Variants in PTPRT observed in about 807,000 individuals in gnomAD.
PTPRT encodes receptor-type tyrosine-protein phosphatase T.
A neutral mutation model predicts 176.8 loss-of-function variants in PTPRT; 56 were observed. That is an observed-to-expected ratio of 0.32 (90% CI 0.26 to 0.40). The LOEUF (loss-of-function observed/expected upper bound fraction) is 0.40. Ranked by LOEUF, PTPRT falls within the 10% of genes least tolerant of loss-of-function variation. The probability of loss-of-function intolerance (pLI) is 1.00; values close to 1 mark genes in which losing one functional copy is unlikely to be tolerated. For missense variants in PTPRT, 1,540 were observed against 1,908.2 expected, an observed-to-expected ratio of 0.81 and a Z score of 3.60; for synonymous variants, 783 against 739.0, an observed-to-expected ratio of 1.06 and a Z score of -0.96.
intron 1 of PTPRT, among the ~76,000 whole-genome samples, chr20:43,023,162 C>T (rs1263586865): frequency 6.6e-6 from 1 of 152,164 alleles, no homozygotes; most frequent in African/African-American, 2.4e-5. Flanking sequence ...TGTGTAACAT[C>T]GAGTCTGCAG....
At chr20:42,244,913 G>C (rs2056422247) in intron 14 of PTPRT, among the ~76,000 whole-genome samples, 1 of 152,174 alleles carries the variant, frequency 6.6e-6, no homozygotes, top group African/African-American at 2.4e-5. Flanking sequence ...CATAGAGTTG[G>C]TCATGCAACC....
intron 2 of PTPRT, among the ~76,000 whole-genome samples, chr20:42,816,813 T>C (rs1460855213): frequency 6.6e-6 from 1 of 152,166 alleles, no homozygotes; most frequent in Non-Finnish European, 1.5e-5. Context: ...CTCAGGGAAG[T>C]TCTTTACAGC....
At chr20:42,194,552 A>T (rs1185878248) in intron 16 of PTPRT, among the ~76,000 whole-genome samples, 1 of 152,238 alleles carries the variant, frequency 6.6e-6, no homozygotes, top group Non-Finnish European at 1.5e-5. Context: ...ATGAACAAGA[A>T]GATGACATGT....
chr20:42,659,743 A>G (rs6030400), intron 7 of PTPRT, among the ~76,000 whole-genome samples: 53 of 152,312 alleles, frequency 3.5e-4, no homozygotes, highest in African/African-American at 1.3e-3. Flanking sequence ...TTTAGTTCAT[A>G]TACAGTCCTA....
intron 9 of PTPRT, among the ~76,000 whole-genome samples, chr20:42,370,864 C>T (rs771856305): frequency 2.2e-4 from 33 of 152,274 alleles, no homozygotes; most frequent in Admixed American, 4.6e-4. Flanking sequence ...ACTGATTTTG[C>T]ACTCAAACCA....
intron 8 of PTPRT, among the ~76,000 whole-genome samples, chr20:42,464,477 T>C (rs1265664507): frequency 1.3e-5 from 2 of 152,224 alleles, no homozygotes; most frequent in Admixed American, 1.3e-4. Context: ...TTTTGAATTC[T>C]ATTTACTCCT....
intron 12 of PTPRT, among the ~76,000 whole-genome samples, chr20:42,297,267 A>G (rs991224157): frequency 2.0e-5 from 3 of 152,146 alleles, no homozygotes; most frequent in East Asian, 1.9e-4. Context: ...TAAAACCAAT[A>G]CTCAGAGGAC....
intron 4 of PTPRT, among the ~76,000 whole-genome samples, chr20:42,774,033 T>C (rs2077099270): frequency 6.6e-6 from 1 of 152,230 alleles, no homozygotes; most frequent in South Asian, 2.1e-4. Flanking sequence ...TCAATTCCTC[T>C]TCTTCCCTTC....
intron 13 of PTPRT, among the ~76,000 whole-genome samples, chr20:42,266,692 G>A (rs961179075): frequency 1.3e-5 from 2 of 152,060 alleles, no homozygotes; most frequent in African/African-American, 4.8e-5. Flanking sequence ...TTTGCCAAAC[G>A]TCCCCTAGTC....
At chr20:42,564,200 A>G (rs1245519861) in intron 7 of PTPRT, among the ~76,000 whole-genome samples, 1 of 152,252 alleles carries the variant, frequency 6.6e-6, no homozygotes, top group Non-Finnish European at 1.5e-5. Flanking sequence ...CTTCACAGAA[A>G]GAAACAGCAA....
At chr20:42,363,741 T>C (rs1651160397) in intron 9 of PTPRT, among the ~76,000 whole-genome samples, 1 of 152,144 alleles carries the variant, frequency 6.6e-6, no homozygotes, top group African/African-American at 2.4e-5. Context: ...ACCGTTACTA[T>C]TCCCACTTTG....
chr20:42,855,624 G>A (rs1178559757), intron 2 of PTPRT, among the ~76,000 whole-genome samples: 4 of 145,290 alleles, frequency 2.8e-5, no homozygotes, highest in Admixed American at 6.8e-5. Flanking sequence ...TAGAGACATG[G>A]TTTCGCCATG....
chr20:43,170,036 T>C (rs1316743962), intron 1 of PTPRT, among the ~76,000 whole-genome samples: 2 of 152,078 alleles, frequency 1.3e-5, no homozygotes, highest in Admixed American at 1.3e-4. Context: ...CCATTTCCTA[T>C]TTCTATCTAG....
In PTPRT at chr20:43,060,056, C is replaced by CT. The variant is rs1987391392; in HGVS notation, c.88+129589dup. Among the ~76,000 whole-genome samples, 3 of 151,828 alleles carry CT rather than the reference C, an allele frequency of 2.0e-5. No homozygotes were observed. In the South Asian group the frequency reaches 6.3e-4, roughly 32 times the overall value. ...TTATGTCTGTTCAAGGCAGTGTAGG[C>CT]TTTTTCTAGCACGTACCTCAAAACT... On this transcript the variant is annotated intron_variant, in intron 1 of 30. Coordinates refer to ENST00000373187, the MANE Select transcript of PTPRT (RefSeq NM_007050.6).
intron 15 of PTPRT, among the ~76,000 whole-genome samples, chr20:42,212,606 T>C (rs1484944151): frequency 6.6e-6 from 1 of 152,120 alleles, no homozygotes; most frequent in Admixed American, 6.5e-5. Flanking sequence ...GTGCAAGCTC[T>C]TGCAAGTTAC....
At chr20:43,125,436 G>A (rs2013404790) in intron 1 of PTPRT, among the ~76,000 whole-genome samples, 1 of 152,104 alleles carries the variant, frequency 6.6e-6, no homozygotes, top group Admixed American at 6.6e-5. Flanking sequence ...AAAAATCCCT[G>A]TTAATAAGCT....
intron 1 of PTPRT, among the ~76,000 whole-genome samples, chr20:42,981,762 A>C (rs991650382): frequency 1.3e-5 from 2 of 152,248 alleles, no homozygotes; most frequent in African/African-American, 4.8e-5. Flanking sequence ...GCTATTGTAT[A>C]AGCCACTAAG....
rs75448293 is a variant in PTPRT, at chr20:42,278,898, G to C, written c.2176+3591C>G. Among the ~76,000 whole-genome samples, 472 of 152,186 alleles carry C rather than the reference G, an allele frequency of 3.1e-3. 7 individuals carry two copies. The highest frequency in any genetic ancestry group is 9.9e-3 in the African/African-American group (412 of 41,522). ...CTAAAGGATCACCTTAAGCACCTGTGGCTGACATCTTCAACCTGCTACCTA... is the reference window on the plus strand; with the variant it reads ...CTAAAGGATCACCTTAAGCACCTGTCGCTGACATCTTCAACCTGCTACCTA... On this transcript the variant is annotated intron_variant, in intron 13 of 30. Transcript: ENST00000373187.
intron 18 of PTPRT, among the ~76,000 whole-genome samples, chr20:42,130,935 G>T (rs976167461): frequency 2.6e-5 from 4 of 152,146 alleles, no homozygotes; most frequent in African/African-American, 4.8e-5. Context: ...AGCCATATAG[G>T]TTATTATAAG....
Sources: allele counts gnomAD v4.1 joint callset (sites outside exome capture counted in the v4.1 genomes callset), GRCh38; gene constraint gnomAD v4.1.1; transcripts MANE v1.5; gene names NCBI Gene and HGNC (gene_info 2026-07-23, HGNC 2026-07-21).